Variants in MYO5A observed in about 807,000 individuals in gnomAD.
The protein encoded by MYO5A is unconventional myosin-Va.
A neutral mutation model predicts 249.7 loss-of-function variants in MYO5A; 98 were observed. That is an observed-to-expected ratio of 0.39 (90% CI 0.33 to 0.46). MYO5A has a LOEUF of 0.46. MYO5A is among the 20% of genes least tolerant of loss of function. MYO5A has a pLI of 0.98. For synonymous variants in MYO5A, 778 were observed against 810.6 expected (o/e 0.96, Z 0.68); for missense variants, 1,696 against 2,308.8 (o/e 0.73, Z 5.44).
chr15:52,412,157 CA>C (rs1202048661), intron 5 of MYO5A, among the ~76,000 whole-genome samples: 1 of 149,368 alleles, frequency 6.7e-6, no homozygotes, highest in Non-Finnish European at 1.5e-5. Flanking sequence ...AATAAACACT[CA>C]ATAAATATTA....
At chr15:52,475,375 G>A (rs1359324860) in intron 1 of MYO5A, among the ~76,000 whole-genome samples, 1 of 152,072 alleles carries the variant, frequency 6.6e-6, no homozygotes, top group East Asian at 1.9e-4. Flanking sequence ...GGTTTTTTGT[G>A]TCTCTATCTC....
intron 8 of MYO5A, among the ~76,000 whole-genome samples, chr15:52,406,995 T>C (rs2043033165): frequency 6.6e-6 from 1 of 152,148 alleles, no homozygotes; most frequent in Admixed American, 6.5e-5. Context: ...GCCCCAAATA[T>C]ATATTTTGAA....
chr15:52,392,031 G>C lies in MYO5A; in HGVS notation c.1441C>G (p.Gln481Glu). 4 of 1,611,892 alleles carry C rather than the reference G, an allele frequency of 2.5e-6. No individual in the cohort carries two copies. The highest frequency in any genetic ancestry group is 1.1e-5 in the South Asian group (1 of 91,052). ...KLEQEEYMKE[Q>E]IPWTLIDFYD... ...AAATCTATGAGTGTCCATGGAATTT[G>C]TTCCTTCATATATTCTTCTTGCTCC... Residue 481 changes from glutamine to glutamate, a missense_variant, in exon 12 of 42, where the codon CAA (glutamine) becomes GAA (glutamate). By Grantham distance (29) the Gln-to-Glu change is conservative. Transcript: ENST00000399233.
chr15:52,502,091 C>G (rs771742997), intron 1 of MYO5A, among the ~76,000 whole-genome samples: 2 of 151,982 alleles, frequency 1.3e-5, no homozygotes, highest in Non-Finnish European at 1.5e-5. Flanking sequence ...AGTTCCAGAC[C>G]AGCCAGGCCA....
intron 16 of MYO5A, among the ~76,000 whole-genome samples, chr15:52,381,708 T>A (rs2041744618): frequency 6.6e-6 from 1 of 152,002 alleles, no homozygotes; most frequent in African/African-American, 2.4e-5. Flanking sequence ...TCACAATCTG[T>A]CAAGTTAAAA....
chr15:52,479,081 T>C (rs552248665), intron 1 of MYO5A, among the ~76,000 whole-genome samples: 17 of 152,150 alleles, frequency 1.1e-4, no homozygotes, highest in Admixed American at 8.5e-4. Context: ...CTGTAACCTC[T>C]GCCCCCTGGG....
intron 5 of MYO5A, among the ~76,000 whole-genome samples, chr15:52,414,225 C>T (rs542818267): frequency 6.6e-6 from 1 of 152,162 alleles, no homozygotes; most frequent in African/African-American, 2.4e-5. Flanking sequence ...CTGTGACATT[C>T]TCTGCCATGT....
chr15:52,354,233 A>C (rs1287372859), intron 25 of MYO5A, among the ~76,000 whole-genome samples: 1 of 152,226 alleles, frequency 6.6e-6, no homozygotes, highest in Non-Finnish European at 1.5e-5. Flanking sequence ...CAGACTGGCA[A>C]AGACTAAAAA....
At chr15:52,425,165 CT>C (rs1238938715) in intron 4 of MYO5A, among the ~76,000 whole-genome samples, 2 of 152,264 alleles carry the variant, frequency 1.3e-5, no homozygotes, top group African/African-American at 4.8e-5. Context: ...AGCTCCTAGG[CT>C]TTTTAGTTCT....
chr15:52,510,892 T>A (rs1453430168), intron 1 of MYO5A, among the ~76,000 whole-genome samples: 1 of 152,246 alleles, frequency 6.6e-6, no homozygotes. Flanking sequence ...TTTCATTTAA[T>A]TGTACCCATC....
chr15:52,337,144 G>A (rs1320590717), intron 33 of MYO5A, among the ~76,000 whole-genome samples: 1 of 152,138 alleles, frequency 6.6e-6, no homozygotes, highest in Non-Finnish European at 1.5e-5. Context: ...AGTGGCAAGT[G>A]GCATAAGGCA....
intron 22 of MYO5A, among the ~76,000 whole-genome samples, chr15:52,369,844 A>T (rs1396795672): frequency 6.8e-6 from 1 of 147,768 alleles, no homozygotes; most frequent in Non-Finnish European, 1.5e-5. Flanking sequence ...CTTTTTTTTT[A>T]AAAGGAGTCT....
At chr15:52,442,966 C>T (rs978455638) in intron 1 of MYO5A, among the ~76,000 whole-genome samples, 17 of 152,220 alleles carry the variant, frequency 1.1e-4, no homozygotes, top group South Asian at 4.1e-4. Flanking sequence ...TTAGCCAGGA[C>T]GGTCTCGATC....
At chr15:52,447,625 G>T (rs1415947204) in intron 1 of MYO5A, among the ~76,000 whole-genome samples, 1 of 152,176 alleles carries the variant, frequency 6.6e-6, no homozygotes, top group Non-Finnish European at 1.5e-5. Context: ...GGAAAGTTTG[G>T]AACTTCCTAG....
intron 4 of MYO5A, among the ~76,000 whole-genome samples, chr15:52,424,311 C>T (rs1193284756): frequency 6.6e-6 from 1 of 152,122 alleles, no homozygotes; most frequent in Non-Finnish European, 1.5e-5. Context: ...ATTAATATTT[C>T]ATAATGTCAG....
rs181223742 is a variant in MYO5A, at chr15:52,321,261, A to T, written c.4951+98T>A. 2,011 of 1,522,782 alleles carry T rather than the reference A, an allele frequency of 1.3e-3. 5 individuals carry two copies. Among genetic ancestry groups the T allele is most frequent in the Non-Finnish European group, 1.7e-3 (1,819 of 1,101,482 alleles). 94.3% of individuals were successfully genotyped at this position (1,522,782 alleles called of 1,614,324 possible). ...GTATCTTACTACTTTATGCTCCCCA[A>T]ATGAATACCTGCCCTGAAACATGTG... On this transcript the variant is annotated intron_variant, in intron 38 of 41. Transcript: ENST00000399233.
At chr15:52,442,199 C>T (rs2075797282) in intron 1 of MYO5A, among the ~76,000 whole-genome samples, 1 of 152,086 alleles carries the variant, frequency 6.6e-6, no homozygotes, top group African/African-American at 2.4e-5. Flanking sequence ...ATTCAGTCCC[C>T]ACCCAAACCC....
In MYO5A at chr15:52,328,015, GA is replaced by G; in HGVS notation, c.4556-10del. On this transcript the variant is annotated splice_polypyrimidine_tract_variant and intron_variant, in intron 35 of 41. Transcript: ENST00000399233. ...ACCACGTGGCTTCAGTTCTAAAAAAGAAAAAATAATAATTTTATATAACATG... is the reference window on the plus strand; with the variant it reads ...ACCACGTGGCTTCAGTTCTAAAAAAGAAAAATAATAATTTTATATAACATG... The G allele has an allele frequency of 6.2e-7, 1 of 1,606,772 alleles. No individual in the cohort carries two copies. The highest frequency in any genetic ancestry group is 1.7e-5 in the Admixed American group (1 of 59,854).
At chr15:52,472,807 G>C (rs1297207385) in intron 1 of MYO5A, among the ~76,000 whole-genome samples, 1 of 152,228 alleles carries the variant, frequency 6.6e-6, no homozygotes, top group Non-Finnish European at 1.5e-5. Context: ...GGACATTTGG[G>C]TTGGTTCCAA....
Sources: allele counts gnomAD v4.1 joint callset (sites outside exome capture counted in the v4.1 genomes callset), GRCh38; gene constraint gnomAD v4.1.1; transcripts MANE v1.5; gene names NCBI Gene and HGNC (gene_info 2026-07-23, HGNC 2026-07-21).